ENPP5: variants seen among roughly 807,000 people sequenced by gnomAD.
ENPP5 encodes E-NPP 5.
Under a neutral mutation model 33.7 loss-of-function variants are expected in ENPP5, and 27 were observed. The ratio of observed to expected loss-of-function variants is 0.80; its 90% CI spans 0.59 to 1.11. ENPP5 has a LOEUF of 1.11. ENPP5 is among the 50% of genes least tolerant of loss of function. The probability of loss-of-function intolerance (pLI) is 0.00; values close to 1 mark genes in which losing one functional copy is unlikely to be tolerated. For missense variants in ENPP5, 552 were observed against 579.2 expected (o/e 0.95, Z 0.48); for synonymous variants, 199 against 200.5 (o/e 0.99, Z 0.06).
chr6:46,165,209 C>T, intron 4 of ENPP5, 178 bp downstream of exon 4: 1 of 512,098 alleles, frequency 2.0e-6, no homozygotes, highest in Admixed American at 3.8e-5. Flanking sequence ...TTTTACATAT[C>T]AAGGACCAAT....
chr6:46,163,507 A>T (rs559939529), intron 4 of ENPP5, among the ~76,000 whole-genome samples: 2 of 151,854 alleles, frequency 1.3e-5, no homozygotes, highest in South Asian at 4.2e-4. Context: ...GAGAATGATG[A>T]TTTCCAATTT....
chr6:46,163,226 T>A (rs1016208580), intron 4 of ENPP5, among the ~76,000 whole-genome samples: 16 of 152,150 alleles, frequency 1.1e-4, no homozygotes, highest in Middle Eastern at 3.4e-3. Context: ...CTTTTTTTTT[T>A]TTATTATACT....
Position 46,164,677 on chromosome 6 carries a change from A to C in ENPP5, c.1006+710T>G, listed in dbSNP as rs191378956. Reference sequence around the variant, plus strand: ...CATAAGAGCTACCTGCACAAGACATAAAAATATGAACATTGGTTTATGGAT... The same window carrying C: ...CATAAGAGCTACCTGCACAAGACATCAAAATATGAACATTGGTTTATGGAT... On this transcript the variant is annotated intron_variant, in intron 4 of 4. Coordinates refer to ENST00000371383, the MANE Select transcript of ENPP5 (RefSeq NM_001290072.2). 2.0e-5 allele frequency among the ~76,000 whole-genome samples: 3 copies of C among 152,268 alleles called. No homozygotes were observed. The East Asian group carries it at 5.8e-4, about 29-fold the overall frequency.
rs35054026 is a variant in ENPP5, at chr6:46,161,173, A to ATG, written c.*151_*152dup. The stretch of plus-strand genomic sequence containing the variant: ...TAAGTATTTTGGTCCGTGTGTGTGT[A>ATG]TGTGTGTGTGTGTGTGTGTGTATAC... On this transcript the variant is annotated 3_prime_UTR_variant, in exon 5 of 5. Transcript: ENST00000371383. 0.29 allele frequency: 163,065 copies of ATG among 566,900 alleles called. 9,788 individuals are homozygous for ATG. Among genetic ancestry groups the ATG allele is most frequent in the Middle Eastern group, 0.34 (721 of 2,094 alleles). 35.1% of individuals were successfully genotyped at this position (566,900 alleles called of 1,614,324 possible).
chr6:46,168,047 G>C lies in ENPP5; in HGVS notation c.216C>G (p.Thr72=), dbSNP rs1293458893. 1 of 1,613,864 alleles carries C rather than the reference G, an allele frequency of 6.2e-7. No individual in the cohort carries two copies. The highest frequency in any genetic ancestry group is 8.5e-7 in the Non-Finnish European group (1 of 1,179,814). The change falls in exon 3 of 5, where the codon ACC becomes ACG. Residue 72 remains threonine (T), a synonymous_variant. Transcript: ENST00000371383. ...KQVTNVFITK[T]YPNHYTLVTG... ...TTACCAAAGTATAATGGTTAGGGTA[G>C]GTTTTTGTAATAAAAACATTAGTAA...
At chr6:46,164,450 G>A (rs541726521) in intron 4 of ENPP5, among the ~76,000 whole-genome samples, 2 of 152,224 alleles carry the variant, frequency 1.3e-5, no homozygotes, top group African/African-American at 4.8e-5. Flanking sequence ...GTATACAGTG[G>A]TCAATCTTTA....
At chr6:46,164,081 C>A (rs1164092654) in intron 4 of ENPP5, among the ~76,000 whole-genome samples, 2 of 152,052 alleles carry the variant, frequency 1.3e-5, no homozygotes, top group Admixed American at 6.6e-5. Context: ...GCAACAAAAG[C>A]CAAAATTGAC....
intron 4 of ENPP5, chr6:46,165,168 A>T (rs1028659856): frequency 8.0e-5 from 33 of 414,774 alleles, no homozygotes; most frequent in Non-Finnish European, 1.2e-4. Context: ...TAGAAACCCA[A>T]TTCTACCTAA....
chr6:46,161,230 A>C lies in ENPP5; in HGVS notation c.*96T>G, dbSNP rs6941587. On this transcript the variant is annotated 3_prime_UTR_variant, in exon 5 of 5. Transcript: ENST00000371383. The stretch of plus-strand genomic sequence containing the variant: ...ATGTAACTGCTTAATGGTTTCTGCA[A>C]ATGTTTGGAACTGGTTTCCCAGAAT... 7 of 1,000,344 alleles carry C rather than the reference A, an allele frequency of 7.0e-6. No homozygotes were observed. The highest frequency in any genetic ancestry group is 3.3e-5 in the African/African-American group (2 of 61,480). 62.0% of individuals were successfully genotyped at this position (1,000,344 alleles called of 1,614,324 possible).
chr6:46,170,137 G>T (rs1328147539), intron 1 of ENPP5, 23 bp from the exon 2 acceptor site: 1 of 152,160 alleles, frequency 6.6e-6, no homozygotes, highest in East Asian at 1.9e-4. Flanking sequence ...AGGAAGGCTA[G>T]TATCAACCAA....
Position 46,167,857 on chromosome 6 carries a change from C to T in ENPP5, c.406G>A (p.Ala136Thr). 6.2e-7 allele frequency: 1 copy of T among 1,614,184 alleles called. No individual in the cohort carries two copies. The highest frequency in any genetic ancestry group is 8.5e-7 in the Non-Finnish European group (1 of 1,180,038). ...TNQRAGHTSG[A>T]AMWPGTDVKI... is the part of the protein sequence containing the mutation. Reference sequence around the variant, plus strand: ...ACATCTGTTCCGGGCCACATGGCTGCACCACTAGTATGTCCTGCCCTCTGG... The same window carrying T: ...ACATCTGTTCCGGGCCACATGGCTGTACCACTAGTATGTCCTGCCCTCTGG... The change falls in exon 3 of 5, where the codon GCA (alanine) becomes ACA (threonine). Residue 136 changes from alanine (A) to threonine (T), a missense_variant. Physicochemically the swap from Ala to Thr is moderately conservative, Grantham distance 58. Coordinates refer to ENST00000371383, the MANE Select transcript of ENPP5 (RefSeq NM_001290072.2).
In ENPP5 at chr6:46,167,802, T is replaced by C. The variant is rs1340735937; in HGVS notation, c.461A>G (p.Tyr154Cys). 6.2e-7 allele frequency: 1 copy of C among 1,614,028 alleles called. No homozygotes were observed. The highest frequency in any genetic ancestry group is 1.7e-5 in the Admixed American group (1 of 60,022). Residue 154 changes from tyrosine to cysteine, a missense_variant, in exon 3 of 5, where the codon TAC (tyrosine) becomes TGC (cysteine). Transcript: ENST00000371383. ...VKIHKRFPTHYMPYNESVSFE... is the reference protein window; with the variant it reads ...VKIHKRFPTHCMPYNESVSFE... Reference sequence around the variant, plus strand: ...TGAAACTGACTCATTGTAAGGCATGTAATGAGTAGGAAAGCGCTTATGTAT... The same window carrying C: ...TGAAACTGACTCATTGTAAGGCATGCAATGAGTAGGAAAGCGCTTATGTAT...
chr6:46,161,673 A>G lies in ENPP5; in HGVS notation c.1087T>C (p.Phe363Leu). 1 of 1,613,948 alleles carries G rather than the reference A, an allele frequency of 6.2e-7. No individual in the cohort carries two copies. The highest frequency in any genetic ancestry group is 8.5e-7 in the Non-Finnish European group (1 of 1,179,858). ...GTGGAGTTCATGGCTTCTTTTGAGAAATTCTTTCTGAAGGCAGGACCATGG... is the reference window on the plus strand; with the variant it reads ...GTGGAGTTCATGGCTTCTTTTGAGAGATTCTTTCTGAAGGCAGGACCATGG... ...LAHGPAFRKN[F>L]SKEAMNSTDL... The change falls in exon 5 of 5, where the codon TTC becomes CTC. Residue 363 changes from phenylalanine (F) to leucine (L), a missense_variant. Coordinates refer to ENST00000371383, the MANE Select transcript of ENPP5 (RefSeq NM_001290072.2).
Position 46,161,496 on chromosome 6 carries a change from G to T in ENPP5, c.1264C>A (p.Pro422Thr). ...GACCCCTCTTGGTCATATTCTGCTGGTTTAACACTACCAGGGAGGAGTATA... is the reference window on the plus strand; with the variant it reads ...GACCCCTCTTGGTCATATTCTGCTGTTTTAACACTACCAGGGAGGAGTATA... ...STILLPGSVK[P>T]AEYDQEGSYP... Residue 422 changes from proline (P) to threonine (T), a missense_variant, in exon 5 of 5, where the codon CCA becomes ACA. By Grantham distance (38) the Pro-to-Thr change is conservative (BLOSUM62 -1). Coordinates refer to ENST00000371383, the MANE Select transcript of ENPP5 (RefSeq NM_001290072.2). The T allele has an allele frequency of 6.2e-7, 1 of 1,614,078 alleles. No homozygotes were observed. Among genetic ancestry groups the T allele is most frequent in the Non-Finnish European group, 8.5e-7 (1 of 1,179,944 alleles).
intron 3 of ENPP5, among the ~76,000 whole-genome samples, chr6:46,166,214 T>C (rs1291789470): frequency 1.3e-5 from 2 of 151,584 alleles, no homozygotes; most frequent in East Asian, 3.9e-4. Context: ...CTTCCCTTCC[T>C]CCTTCCCTCC....
rs747141464 is a variant in ENPP5, at chr6:46,165,437, A to G, written c.956T>C (p.Val319Ala). Residue 319 changes from valine (V) to alanine (A), a missense_variant, in exon 4 of 5, where the codon GTG becomes GCG. Transcript: ENST00000371383. ...TAAAATGTGCCACCCTTCATCAGCC[A>G]CTGCTATGATTGGTTGAATTCGACT... ...YNSRIQPIIA[V>A]ADEGWHILQN... 8 of 1,603,890 alleles carry G rather than the reference A, an allele frequency of 5.0e-6. No homozygotes were observed. The Admixed American group carries it at 7.1e-5, about 14-fold the overall frequency.
chr6:46,167,246 G>GA (rs368109786), intron 3 of ENPP5, among the ~76,000 whole-genome samples, 188 bp downstream of exon 3: 234 of 150,852 alleles, frequency 1.6e-3, no homozygotes, highest in Non-Finnish European at 2.3e-3. Flanking sequence ...TAGGAAAAAG[G>GA]AAAAAAAAAT....
chr6:46,165,401 G>A lies in ENPP5; in HGVS notation c.992C>T (p.Ser331Leu). 1 of 1,581,608 alleles carries A rather than the reference G, an allele frequency of 6.3e-7. No homozygotes were observed. The highest frequency in any genetic ancestry group is 8.5e-7 in the Non-Finnish European group (1 of 1,169,846). ...DEGWHILQNK[S>L]DDFLLGNHGY... is the part of the protein sequence containing the mutation. Reference sequence around the variant, plus strand: ...AACATACTCACACAGAAAGTCATCTGACTTATTCTGTAAAATGTGCCACCC... The same window carrying A: ...AACATACTCACACAGAAAGTCATCTAACTTATTCTGTAAAATGTGCCACCC... Residue 331 changes from serine (S) to leucine (L), a missense_variant, in exon 4 of 5, where the codon TCA becomes TTA. By Grantham distance (145) the Ser-to-Leu change is moderately radical (BLOSUM62 -2). Coordinates refer to ENST00000371383, the MANE Select transcript of ENPP5 (RefSeq NM_001290072.2).
At position 46,160,767 on chromosome 6, in the gene ENPP5, G is replaced by C. The variant is rs1032564295; in HGVS notation, c.*559C>G. 1.3e-5 allele frequency: 2 copies of C among 153,516 alleles called. No individual in the cohort carries two copies. The highest frequency in any genetic ancestry group is 6.4e-5 in the Admixed American group (1 of 15,584). 9.5% of individuals were successfully genotyped at this position (153,516 alleles called of 1,614,324 possible). A position where few individuals can be genotyped will look rare whatever the true frequency, so the allele number is the denominator to read the frequency against. On this transcript the variant is annotated 3_prime_UTR_variant, in exon 5 of 5. Coordinates refer to ENST00000371383, the MANE Select transcript of ENPP5 (RefSeq NM_001290072.2). ...ACATCTCCAAAATTCAAGGTTCAAA[G>C]GTTATCACATTTAATTTTCAACACT...
Sources: allele counts gnomAD v4.1 joint callset (sites outside exome capture counted in the v4.1 genomes callset), GRCh38; gene constraint gnomAD v4.1.1; transcripts MANE v1.5; gene names NCBI Gene and HGNC (gene_info 2026-07-23, HGNC 2026-07-21).